PTPRD: variants seen among roughly 807,000 people sequenced by gnomAD.
The protein encoded by PTPRD is receptor-type tyrosine-protein phosphatase delta.
A neutral mutation model predicts 214.5 loss-of-function variants in PTPRD; 34 were observed. The ratio of observed to expected loss-of-function variants is 0.16; its 90% CI spans 0.12 to 0.21. The LOEUF (loss-of-function observed/expected upper bound fraction) is 0.21, where lower values mean the gene tolerates loss of function less well. PTPRD is among the 10% of genes least tolerant of loss of function. The probability of loss-of-function intolerance (pLI) is 1.00; values close to 1 mark genes in which losing one functional copy is unlikely to be tolerated. For missense variants in PTPRD, 2,545 were observed against 2,398.7 expected (o/e 1.06, Z -1.27); for synonymous variants, 1,128 against 845.7 (o/e 1.33, Z -5.79).
At chr9:9,118,893 A>T (rs2154461283) in intron 10 of PTPRD, among the ~76,000 whole-genome samples, 1 of 152,328 alleles carries the variant, frequency 6.6e-6, no homozygotes, top group African/African-American at 2.4e-5. Context: ...TTCTAACAAA[A>T]GTGATGCACA....
intron 2 of PTPRD, among the ~76,000 whole-genome samples, chr9:10,430,615 T>C (rs919278542): frequency 6.6e-6 from 1 of 151,934 alleles, no homozygotes; most frequent in African/African-American, 2.4e-5. Context: ...TGAAACAAAA[T>C]GTATACAACA....
chr9:10,313,040 T>C (rs2096311976), intron 3 of PTPRD, among the ~76,000 whole-genome samples: 1 of 151,898 alleles, frequency 6.6e-6, no homozygotes, highest in South Asian at 2.1e-4. Context: ...TCAATAATGA[T>C]TGGATATATG....
chr9:8,448,860 T>G (rs2133392414), intron 34 of PTPRD, among the ~76,000 whole-genome samples: 2 of 152,360 alleles, frequency 1.3e-5, no homozygotes. Context: ...CTACAATTTG[T>G]GGGACAACAC....
At chr9:10,003,099 G>C (rs2096373248) in intron 4 of PTPRD, among the ~76,000 whole-genome samples, 1 of 151,806 alleles carries the variant, frequency 6.6e-6, no homozygotes, top group Non-Finnish European at 1.5e-5. Flanking sequence ...CATATCAAGT[G>C]TGTCTTAAAG....
chr9:8,519,207 T>C (rs1564017581), intron 20 of PTPRD, among the ~76,000 whole-genome samples: 1 of 152,226 alleles, frequency 6.6e-6, no homozygotes, highest in East Asian at 1.9e-4. Context: ...TAAGGTATGT[T>C]ATGGTCATAT....
intron 8 of PTPRD, among the ~76,000 whole-genome samples, chr9:9,572,669 A>G (rs2086893046): frequency 6.7e-6 from 1 of 149,546 alleles, no homozygotes; most frequent in Non-Finnish European, 1.5e-5. Flanking sequence ...TATGTATATT[A>G]TGTATGTATA....
At chr9:9,459,955 C>CT (rs1569568520) in intron 8 of PTPRD, among the ~76,000 whole-genome samples, 1 of 151,990 alleles carries the variant, frequency 6.6e-6, no homozygotes, top group Non-Finnish European at 1.5e-5. Flanking sequence ...TACTTCAAGG[C>CT]TATAGTAACC....
At chr9:8,855,910 ACT>A (rs1424193732) in intron 11 of PTPRD, among the ~76,000 whole-genome samples, 2 of 152,190 alleles carry the variant, frequency 1.3e-5, no homozygotes, top group Non-Finnish European at 2.9e-5. Context: ...TCAATTTCAC[ACT>A]TTGAAAGTAC....
intron 14 of PTPRD, among the ~76,000 whole-genome samples, chr9:8,621,586 T>C (rs531446294): frequency 7.2e-5 from 11 of 152,016 alleles, no homozygotes; most frequent in African/African-American, 2.2e-4. Context: ...TCAGAGTGAA[T>C]TCTTCCTCCC....
intron 8 of PTPRD, among the ~76,000 whole-genome samples, chr9:9,488,756 G>A (rs776618767): frequency 6.6e-6 from 1 of 152,088 alleles, no homozygotes; most frequent in Non-Finnish European, 1.5e-5. Flanking sequence ...ACTGGGAATT[G>A]CAGTTAATTT....
intron 2 of PTPRD, among the ~76,000 whole-genome samples, chr9:10,543,689 T>C (rs2059628331): frequency 6.6e-6 from 1 of 152,242 alleles, no homozygotes; most frequent in African/African-American, 2.4e-5. Context: ...TAGTAAACTC[T>C]AAGCTTTTGC....
chr9:10,344,159 T>C (rs569171723), intron 2 of PTPRD, among the ~76,000 whole-genome samples: 3 of 151,822 alleles, frequency 2.0e-5, no homozygotes, highest in Non-Finnish European at 4.4e-5. Flanking sequence ...TTTATGGTTT[T>C]AGGTCTTACA....
Position 8,674,674 on chromosome 9 carries a change from T to C in PTPRD, c.65-37830A>G, listed in dbSNP as rs150402948. 5.9e-5 allele frequency among the ~76,000 whole-genome samples: 9 copies of C among 152,200 alleles called. No individual in the cohort carries two copies. In the East Asian group the frequency reaches 1.7e-3, roughly 29 times the overall value. Reference sequence around the variant, plus strand: ...ATAAATCCTTCTAACAGCACTTTTATAAAATCACTTAGCTTGTTAAAACAT... The same window carrying C: ...ATAAATCCTTCTAACAGCACTTTTACAAAATCACTTAGCTTGTTAAAACAT... On this transcript the variant is annotated intron_variant, in intron 12 of 45. Coordinates refer to ENST00000381196, the MANE Select transcript of PTPRD (RefSeq NM_002839.4).
At chr9:9,087,773 A>G (rs973921778) in intron 10 of PTPRD, among the ~76,000 whole-genome samples, 1 of 151,904 alleles carries the variant, frequency 6.6e-6, no homozygotes, top group African/African-American at 2.4e-5. Context: ...TGGCTTTAAA[A>G]TCCACATTCC....
At chr9:8,608,472 G>C (rs974138181) in intron 14 of PTPRD, among the ~76,000 whole-genome samples, 2 of 152,082 alleles carry the variant, frequency 1.3e-5, no homozygotes, top group Admixed American at 1.3e-4. Context: ...TGTTCACCCA[G>C]CAGAGCGCTC....
rs2073521550 is a variant in PTPRD at position 10,585,265 on chromosome 9, G to A, written c.-600+27133C>T. ...ATATTGAAGTAATAACTTATTTTTTGTGCTCATCCTTCTCTTGGATATTTG... is the reference window on the plus strand; with the variant it reads ...ATATTGAAGTAATAACTTATTTTTTATGCTCATCCTTCTCTTGGATATTTG... On this transcript the variant is annotated intron_variant, in intron 2 of 45. Coordinates refer to ENST00000381196, the MANE Select transcript of PTPRD (RefSeq NM_002839.4). Among the ~76,000 whole-genome samples, 3 of 151,416 alleles carry A rather than the reference G, an allele frequency of 2.0e-5. No homozygotes were observed. In the South Asian group the frequency reaches 6.3e-4, roughly 32 times the overall value.
chr9:8,557,779 T>TACACAC (rs373363751), intron 14 of PTPRD, among the ~76,000 whole-genome samples: 112 of 103,896 alleles, frequency 1.1e-3, no homozygotes, highest in South Asian at 5.6e-3. Flanking sequence ...AAAAACAAAA[T>TACACAC]ACACACACAC....
intron 3 of PTPRD, among the ~76,000 whole-genome samples, chr9:10,057,082 A>G (rs2097666005): frequency 6.6e-6 from 1 of 152,160 alleles, no homozygotes; most frequent in South Asian, 2.1e-4. Flanking sequence ...TCCTAGTCCC[A>G]TCTTATTCCC....
At chr9:8,607,107 T>G (rs1261291701) in intron 14 of PTPRD, among the ~76,000 whole-genome samples, 1 of 152,138 alleles carries the variant, frequency 6.6e-6, no homozygotes, top group Admixed American at 6.5e-5. Flanking sequence ...GTTCAAGAGA[T>G]CTATTGTAGA....
Sources: allele counts gnomAD v4.1 joint callset (sites outside exome capture counted in the v4.1 genomes callset), GRCh38; gene constraint gnomAD v4.1.1; transcripts MANE v1.5; gene names NCBI Gene and HGNC (gene_info 2026-07-23, HGNC 2026-07-21).